The following SEM1 variants were observed in gnomAD, a reference collection of about 807,000 sequenced individuals.
SEM1 encodes the protein SEM1 26S proteasome subunit, also known as 26S proteasome complex subunit SEM1.
SEM1 carries 3 observed loss-of-function variants against 12.7 expected under a neutral mutation model. The ratio of observed to expected loss-of-function variants is 0.24; its 90% CI spans 0.11 to 0.61. The LOEUF is 0.61. SEM1 is among the 20% of genes least tolerant of loss of function. The probability of loss-of-function intolerance (pLI) is 0.88; values close to 1 mark genes in which losing one functional copy is unlikely to be tolerated. For synonymous variants in SEM1, 30 were observed against 27.8 expected, an observed-to-expected ratio of 1.08 and a Z score of -0.25; for missense variants, 59 against 81.3, an observed-to-expected ratio of 0.73 and a Z score of 1.06.
chr7:96,672,800 G>C (rs1789352141), downstream of SEM1: 1 of 152,226 alleles, frequency 6.6e-6, no homozygotes, highest in Non-Finnish European at 1.5e-5. Flanking sequence ...CTGGTCACCA[G>C]GGTCCTTCCT....
chr7:96,611,622 A>AC (rs1161721339), intron 2 of SEM1, among the ~76,000 whole-genome samples: 2 of 152,258 alleles, frequency 1.3e-5, no homozygotes, highest in African/African-American at 4.8e-5. Context: ...ATAGAGGATG[A>AC]CAATGAAAAG....
chr7:96,658,182 C>A lies in SEM1; in HGVS notation c.171-35539G>T, dbSNP rs778219965. Among the ~76,000 whole-genome samples the A allele has an allele frequency of 5.9e-5, 9 of 152,126 alleles. 1 individual carries two copies. Among genetic ancestry groups the A allele is most frequent in the Non-Finnish European group, 1.0e-4 (7 of 68,028 alleles). ...ATTCAGTGGCCTGCAACTCTCCAGG[C>A]TGCAGGGCCCAGGGACTGCCAGGGT... is the stretch of plus-strand genomic sequence containing the variant. On this transcript the variant is annotated intron_variant, in intron 2 of 2. Transcript: ENST00000417009.
At chr7:96,491,905 A>T (rs1803023068) in intron 1 of SEM1, among the ~76,000 whole-genome samples, 1 of 152,146 alleles carries the variant, frequency 6.6e-6, no homozygotes, top group East Asian at 1.9e-4. Flanking sequence ...AGTTCTCATC[A>T]TTGCACCCTT....
chr7:96,671,875 AC>A (rs566471183), downstream of SEM1, among the ~76,000 whole-genome samples: 95 of 152,236 alleles, frequency 6.2e-4, no homozygotes, highest in Non-Finnish European at 1.1e-3. Context: ...CTTTAGATTC[AC>A]AGTGTAAACA....
chr7:96,629,617 T>C (rs1808184936), intron 2 of SEM1, among the ~76,000 whole-genome samples: 1 of 152,156 alleles, frequency 6.6e-6, no homozygotes, highest in African/African-American at 2.4e-5. Context: ...CATATCCGTT[T>C]CTCCAGGATT....
At position 96,657,237 on chromosome 7, in the gene SEM1, G is replaced by C. The variant is rs372255895; in HGVS notation, c.171-34594C>G. 2.4e-4 allele frequency among the ~76,000 whole-genome samples: 36 copies of C among 152,316 alleles called. No individual in the cohort carries two copies. In the South Asian group the frequency reaches 7.3e-3, roughly 31 times the overall value. On this transcript the variant is annotated intron_variant, in intron 2 of 2. Transcript: ENST00000417009. ...GAGACTATCTCAGGATTATGGAAAT[G>C]ATTCTAAATTGAGGGTGGCTTACAC...
chr7:96,684,027 A>T (rs11981637), downstream of SEM1, among the ~76,000 whole-genome samples: 2,314 of 151,804 alleles, frequency 0.015, 51 homozygotes, highest in African/African-American at 0.051. Context: ...AAGTATAATT[A>T]AAAAAAATTA....
At chr7:96,649,144 G>A (rs924693244) in intron 2 of SEM1, 2 of 152,186 alleles carry the variant, frequency 1.3e-5, no homozygotes, top group African/African-American at 4.8e-5. Context: ...AGCTTTTTGA[G>A]AACTGCAAAT....
chr7:96,520,481 T>C (rs1486486043), intron 2 of SEM1, among the ~76,000 whole-genome samples: 2 of 152,168 alleles, frequency 1.3e-5, no homozygotes, highest in African/African-American at 2.4e-5. Context: ...ATAGCTGATA[T>C]AACACTTGAC....
intron 2 of SEM1, among the ~76,000 whole-genome samples, chr7:96,633,014 C>T (rs974838861): frequency 2.0e-5 from 3 of 151,966 alleles, no homozygotes; most frequent in East Asian, 3.9e-4. Context: ...GAGGGCCAGA[C>T]ACAAAGTGCT....
intron 1 of SEM1, among the ~76,000 whole-genome samples, chr7:96,706,580 A>C (rs1246041753): frequency 2.8e-5 from 4 of 145,108 alleles, no homozygotes; most frequent in East Asian, 2.0e-4. Flanking sequence ...CAAAAAAAAA[A>C]AAAAAAAAAA....
At chr7:96,641,756 C>T (rs1242631203) in intron 2 of SEM1, among the ~76,000 whole-genome samples, 1 of 151,900 alleles carries the variant, frequency 6.6e-6, no homozygotes, top group Non-Finnish European at 1.5e-5. Context: ...TTTTACATTA[C>T]ACATTTCCTA....
intron 2 of SEM1, among the ~76,000 whole-genome samples, chr7:96,613,009 T>A (rs11767158): frequency 0.33 from 50,543 of 152,088 alleles, 10,572 homozygotes; most frequent in East Asian, 0.68. Context: ...GTATTTTTTT[T>A]AAAGTCATCT....
At chr7:96,698,401 C>T (rs973071767) in intron 1 of SEM1, among the ~76,000 whole-genome samples, 1 of 142,684 alleles carries the variant, frequency 7.0e-6, no homozygotes, top group Non-Finnish European at 1.5e-5. Flanking sequence ...TCTCCTAATG[C>T]CATCCCTCCC....
At chr7:96,703,543 C>G (rs949195191) in intron 1 of SEM1, among the ~76,000 whole-genome samples, 1 of 151,722 alleles carries the variant, frequency 6.6e-6, no homozygotes, top group African/African-American at 2.4e-5. Context: ...TTAGCACACA[C>G]ACAAAAAGAT....
At chr7:96,688,706 A>G (rs184159480), downstream of SEM1, 83 of 429,212 alleles carry the variant, frequency 1.9e-4, no homozygotes, top group African/African-American at 1.6e-3. Context: ...AAGGTTTTGG[A>G]AAATCATGAC....
At chr7:96,598,411 C>T (rs972306471) in intron 2 of SEM1, among the ~76,000 whole-genome samples, 2 of 149,774 alleles carry the variant, frequency 1.3e-5, no homozygotes, top group African/African-American at 2.5e-5. Flanking sequence ...TTTTTTTTTC[C>T]CCCAAATAGA....
At chr7:96,603,237 A>T (rs1807245147) in intron 2 of SEM1, among the ~76,000 whole-genome samples, 2 of 152,238 alleles carry the variant, frequency 1.3e-5, no homozygotes, top group South Asian at 4.2e-4. Flanking sequence ...TTTTGTGCTT[A>T]TTGGTCTTAA....
downstream of SEM1, chr7:96,688,756 C>G: frequency 1.8e-6 from 1 of 546,578 alleles, no homozygotes; most frequent in Non-Finnish European, 3.2e-6. Flanking sequence ...GACTTCTGAA[C>G]CAAACCAAGA....
Sources: gnomAD v4.1 joint callset for allele counts (sites outside exome capture counted in the v4.1 genomes callset) on GRCh38, gnomAD v4.1.1 for gene constraint, MANE v1.5 for transcripts, NCBI Gene and HGNC (gene_info 2026-07-23, HGNC 2026-07-21) for gene names.